DPYD: variants seen among roughly 807,000 people sequenced by gnomAD.
DPYD encodes dihydropyrimidine dehydrogenase [NADP(+)].
A neutral mutation model predicts 116.2 loss-of-function variants in DPYD; 109 were observed. That is an observed-to-expected ratio of 0.94 (90% confidence interval 0.80 to 1.10). DPYD has a LOEUF of 1.10. Ranked by LOEUF, DPYD falls within the 50% of genes least tolerant of loss-of-function variation. The pLI is 0.00. For missense variants in DPYD, 1,302 were observed against 1,254.5 expected, an observed-to-expected ratio of 1.04 and a Z score of -0.57; for synonymous variants, 440 against 432.0, an observed-to-expected ratio of 1.02 and a Z score of -0.23.
At chr1:97,284,289 T>C (rs1284379305) in intron 18 of DPYD, among the ~76,000 whole-genome samples, 1 of 152,096 alleles carries the variant, frequency 6.6e-6, no homozygotes, top group East Asian at 1.9e-4. Context: ...AAGTGTGAGT[T>C]TGACTTTTGG....
intron 19 of DPYD, among the ~76,000 whole-genome samples, chr1:97,209,719 G>A (rs1294010498): frequency 6.6e-6 from 1 of 152,064 alleles, no homozygotes; most frequent in Non-Finnish European, 1.5e-5. Context: ...CTTAAAGCAT[G>A]ACAACTGAAA....
chr1:97,264,218 A>G (rs562814615), intron 18 of DPYD, among the ~76,000 whole-genome samples: 5 of 118,972 alleles, frequency 4.2e-5, no homozygotes, highest in Admixed American at 1.2e-4. Context: ...TCTGTTGCCC[A>G]GGCTGAAGTG....
chr1:97,742,665 G>T (rs1333150954), intron 3 of DPYD, among the ~76,000 whole-genome samples: 2 of 152,040 alleles, frequency 1.3e-5, no homozygotes, highest in Non-Finnish European at 1.5e-5. Context: ...TGGCCTATTT[G>T]GTCCTTGATG....
Position 97,655,972 on chromosome 1 carries a change from A to G in DPYD, c.850+23123T>C, listed in dbSNP as rs1279618975. On this transcript the variant is annotated intron_variant, in intron 8 of 22. Coordinates refer to ENST00000370192, the MANE Select transcript of DPYD (RefSeq NM_000110.4). ...CTTTTTAATAATATAACTGCTAAAG[A>G]ACATCATTATTTATTACGTAGAAAT... Among the ~76,000 whole-genome samples the G allele has an allele frequency of 3.3e-5, 5 of 152,188 alleles. No homozygotes were observed. In the East Asian group the frequency reaches 9.6e-4, roughly 29 times the overall value.
At chr1:97,138,130 C>A (rs1451443747) in intron 20 of DPYD, among the ~76,000 whole-genome samples, 1 of 152,082 alleles carries the variant, frequency 6.6e-6, no homozygotes, top group Non-Finnish European at 1.5e-5. Flanking sequence ...CAGTTGTAAT[C>A]TGGATATTCA....
intron 19 of DPYD, among the ~76,000 whole-genome samples, chr1:97,230,193 C>T (rs1219806140): frequency 1.3e-5 from 2 of 152,108 alleles, no homozygotes; most frequent in Non-Finnish European, 2.9e-5. Flanking sequence ...TGTATGTTCA[C>T]TGCAGCACTA....
At chr1:97,785,818 T>G (rs1036135295) in intron 3 of DPYD, among the ~76,000 whole-genome samples, 3 of 149,440 alleles carry the variant, frequency 2.0e-5, no homozygotes, top group African/African-American at 7.4e-5. Flanking sequence ...TCAGCCTCCC[T>G]AGTAGCTGGG....
In DPYD at chr1:97,735,685, CATAAATAAATAAATAA is replaced by C. The variant is rs5776378; in HGVS notation, c.321+4691_321+4706del. On this transcript the variant is annotated intron_variant, in intron 4 of 22. Coordinates refer to ENST00000370192, the MANE Select transcript of DPYD (RefSeq NM_000110.4). ...CCTGGGCGACAGAGCAAGACTCTGT[CATAAATAAATAAATAA>C]ATAAATAAATAAATAAATAAATAAA... Among the ~76,000 whole-genome samples the C allele has an allele frequency of 7.3e-3, 971 of 133,824 alleles. 8 individuals carry two copies. The highest frequency in any genetic ancestry group is 0.02 in the African/African-American group (730 of 36,248). 87.8% of individuals were successfully genotyped at this position (133,824 alleles called of 152,430 possible).
chr1:97,683,187 G>C (rs1660518550), intron 7 of DPYD, among the ~76,000 whole-genome samples: 1 of 151,856 alleles, frequency 6.6e-6, no homozygotes. Flanking sequence ...GATGCTCTAA[G>C]ATAGAAAATA....
intron 8 of DPYD, among the ~76,000 whole-genome samples, chr1:97,632,412 G>A (rs1034032245): frequency 2.0e-5 from 3 of 152,008 alleles, no homozygotes; most frequent in South Asian, 4.2e-4. Flanking sequence ...TCTCCTGTGA[G>A]GTTTATTTAA....
chr1:97,338,357 T>C (rs570510984), intron 16 of DPYD, among the ~76,000 whole-genome samples: 106 of 151,980 alleles, frequency 7.0e-4, no homozygotes, highest in Middle Eastern at 3.4e-3. Flanking sequence ...AAGCCTTGAG[T>C]TTCCTGGAGA....
rs188434576 is a variant in DPYD at position 97,210,338 on chromosome 1, C to T, written c.2443-17090G>A. Among the ~76,000 whole-genome samples, 213 of 152,156 alleles carry T rather than the reference C, an allele frequency of 1.4e-3. 3 individuals carry two copies. In the Middle Eastern group the frequency reaches 0.048, roughly 34 times the overall value. ...TGATATGAATTTCATTTCTTTTACT[C>T]TTTCCTCAAAGATTCATAATCTTCT... On this transcript the variant is annotated intron_variant, in intron 19 of 22. Coordinates refer to ENST00000370192, the MANE Select transcript of DPYD (RefSeq NM_000110.4).
chr1:97,801,391 C>T (rs1031115930), intron 3 of DPYD, among the ~76,000 whole-genome samples: 2 of 151,888 alleles, frequency 1.3e-5, no homozygotes, highest in African/African-American at 4.8e-5. Context: ...ACCAATTTAG[C>T]TTCTGTTCCT....
At chr1:97,623,377 A>G (rs1656736713) in intron 8 of DPYD, among the ~76,000 whole-genome samples, 1 of 152,106 alleles carries the variant, frequency 6.6e-6, no homozygotes, top group Non-Finnish European at 1.5e-5. Context: ...TCTTATGGAA[A>G]GTAAAAAGGA....
chr1:97,704,951 C>T (rs1339004627), intron 5 of DPYD, among the ~76,000 whole-genome samples: 1 of 151,904 alleles, frequency 6.6e-6, no homozygotes, highest in Non-Finnish European at 1.5e-5. Flanking sequence ...AATAAGGTGG[C>T]CAATATTTAT....
At chr1:97,170,273 C>T (rs1656628387) in intron 20 of DPYD, among the ~76,000 whole-genome samples, 1 of 152,156 alleles carries the variant, frequency 6.6e-6, no homozygotes, top group South Asian at 2.1e-4. Flanking sequence ...GCAGGTATAT[C>T]TAGGGTTTTC....
chr1:97,168,582 A>T (rs1336237567), intron 20 of DPYD, among the ~76,000 whole-genome samples: 1 of 152,166 alleles, frequency 6.6e-6, no homozygotes, highest in Non-Finnish European at 1.5e-5. Flanking sequence ...AGTTATTCTC[A>T]TTGAATTTTC....
At chr1:97,370,176 T>C (rs1482138072) in intron 16 of DPYD, among the ~76,000 whole-genome samples, 3 of 152,142 alleles carry the variant, frequency 2.0e-5, no homozygotes, top group Non-Finnish European at 4.4e-5. Context: ...TTTCTGGTTC[T>C]AGATCCTTGA....
At chr1:97,259,549 AG>A (rs1304368545) in intron 18 of DPYD, among the ~76,000 whole-genome samples, 1 of 151,974 alleles carries the variant, frequency 6.6e-6, no homozygotes, top group Non-Finnish European at 1.5e-5. Context: ...CAAGGATCAA[AG>A]TATTCAATCA....
Sources: allele counts gnomAD v4.1 joint callset (sites outside exome capture counted in the v4.1 genomes callset), GRCh38; gene constraint gnomAD v4.1.1; transcripts MANE v1.5; gene names NCBI Gene and HGNC (gene_info 2026-07-23, HGNC 2026-07-21).